NHS: variants seen among roughly 807,000 people sequenced by gnomAD.
The protein encoded by NHS is actin remodeling regulator NHS.
A neutral mutation model predicts 72.5 loss-of-function variants in NHS; 5 were observed. The ratio of observed to expected loss-of-function variants is 0.07; its 90% CI spans 0.04 to 0.14. The LOEUF is 0.14. Ranked by LOEUF, NHS falls within the 10% of genes least tolerant of loss-of-function variation. NHS has a pLI of 1.00. For synonymous variants in NHS, 464 were observed against 547.7 expected, an observed-to-expected ratio of 0.85 and a Z score of 2.13; for missense variants, 1,072 against 1,355.7, an observed-to-expected ratio of 0.79 and a Z score of 3.29.
chrX:17,446,121 A>G (rs752183464), intron 1 of NHS, among the ~76,000 whole-genome samples: 11 of 110,148 alleles, frequency 1.0e-4, no homozygotes, highest in Non-Finnish European at 1.3e-4. Flanking sequence ...ACCCCTTACC[A>G]CAAAATCTTC....
chrX:17,379,226 T>A (rs1329044869), intron 1 of NHS, among the ~76,000 whole-genome samples: 2 of 109,006 alleles, frequency 1.8e-5, no homozygotes, highest in Non-Finnish European at 3.8e-5. Flanking sequence ...GGCAACATGA[T>A]CTGATGTACA....
intron 1 of NHS, among the ~76,000 whole-genome samples, chrX:17,616,089 G>T (rs756885503): frequency 1.8e-5 from 2 of 112,382 alleles, no homozygotes; most frequent in Admixed American, 1.9e-4. Context: ...CCTGGTAAAT[G>T]AACAGAGTGA....
chrX:17,701,146 T>C lies in NHS; in HGVS notation c.852+8678T>C, dbSNP rs781498738. 1.2e-4 allele frequency among the ~76,000 whole-genome samples: 13 copies of C among 112,293 alleles called. No homozygotes were observed. In the South Asian group the frequency reaches 4.8e-3, roughly 42 times the overall value. ...GGCTCTACCATATAGCCTAGGTATG[T>C]AGTAGGCTGTACCTTCTAGGTTTGT... is the stretch of plus-strand genomic sequence containing the variant. On this transcript the variant is annotated intron_variant, in intron 3 of 8. Coordinates refer to ENST00000676302, the MANE Select transcript of NHS (RefSeq NM_001291867.2).
intron 1 of NHS, among the ~76,000 whole-genome samples, chrX:17,458,314 G>T (rs953628248): frequency 1.8e-5 from 2 of 111,561 alleles, no homozygotes; most frequent in South Asian, 3.8e-4. Context: ...TGCAGCCTCC[G>T]CCCCCTGGGG....
chrX:17,571,510 G>A (rs1464881657), intron 1 of NHS, among the ~76,000 whole-genome samples: 1 of 111,771 alleles, frequency 8.9e-6, no homozygotes, highest in Admixed American at 9.5e-5. Flanking sequence ...GGGATTGGTG[G>A]TGGTATCCCC....
intron 1 of NHS, among the ~76,000 whole-genome samples, chrX:17,517,203 A>C (rs776226184): frequency 8.9e-6 from 1 of 112,464 alleles, no homozygotes; most frequent in South Asian, 3.7e-4. Context: ...GAAAGGTTTT[A>C]GTCTTGACTT....
chrX:17,615,689 T>TCTC (rs1249347495), intron 1 of NHS, among the ~76,000 whole-genome samples: 1 of 110,706 alleles, frequency 9.0e-6, no homozygotes, highest in African/African-American at 3.3e-5. Context: ...TGTCAGGACC[T>TCTC]CTCTCCCTTT....
chrX:17,426,915 T>C (rs1288479059), intron 1 of NHS, among the ~76,000 whole-genome samples: 1 of 111,708 alleles, frequency 9.0e-6, no homozygotes, highest in Non-Finnish European at 1.9e-5. Flanking sequence ...CATATCACAG[T>C]GGTGGACCAA....
At chrX:17,645,827 A>G (rs2065903569) in intron 1 of NHS, among the ~76,000 whole-genome samples, 1 of 112,475 alleles carries the variant, frequency 8.9e-6, no homozygotes. Context: ...TATTTATGAG[A>G]GAAGGAGCTC....
At chrX:17,683,294 G>A (rs2066140430) in intron 1 of NHS, among the ~76,000 whole-genome samples, 1 of 112,134 alleles carries the variant, frequency 8.9e-6, no homozygotes, top group African/African-American at 3.2e-5. Flanking sequence ...CTCAGTTCTT[G>A]GTTATACCTG....
intron 1 of NHS, among the ~76,000 whole-genome samples, chrX:17,450,488 T>G (rs1412513761): frequency 1.8e-5 from 2 of 111,644 alleles, no homozygotes; most frequent in Non-Finnish European, 3.8e-5. Context: ...ATGAAGTCAG[T>G]GGTCCAAGAT....
intron 1 of NHS, among the ~76,000 whole-genome samples, chrX:17,660,915 A>G (rs2147092705): frequency 8.9e-6 from 1 of 112,689 alleles, no homozygotes; most frequent in African/African-American, 3.2e-5. Flanking sequence ...ATTCCCAAAG[A>G]TCTCAGGAGG....
In NHS at chrX:17,615,073, C is replaced by CAT. The variant is rs750531611; in HGVS notation, c.566-72656_566-72655dup. Among the ~76,000 whole-genome samples the CAT allele has an allele frequency of 2.7e-3, 256 of 94,054 alleles. 1 individual carries two copies. Among genetic ancestry groups the CAT allele is most frequent in the Non-Finnish European group, 3.9e-3 (189 of 48,065 alleles). 81.7% of individuals were successfully genotyped at this position (94,054 alleles called of 115,157 possible). ...CCAGGGCAGGCTCTTGTCATTCATA[C>CAT]ATATATATATATATGTGTGTATATA... On this transcript the variant is annotated intron_variant, in intron 1 of 8. Coordinates refer to ENST00000676302, the MANE Select transcript of NHS (RefSeq NM_001291867.2).
intron 1 of NHS, among the ~76,000 whole-genome samples, chrX:17,637,262 G>A (rs1005799622): frequency 4.5e-5 from 5 of 111,771 alleles, no homozygotes; most frequent in South Asian, 3.7e-4. Context: ...AAGAAATAAG[G>A]CCCTGCCAGA....
At chrX:17,383,156 T>C (rs2064386911) in intron 1 of NHS, among the ~76,000 whole-genome samples, 1 of 112,149 alleles carries the variant, frequency 8.9e-6, no homozygotes, top group Admixed American at 9.4e-5. Flanking sequence ...TATGGGTGTT[T>C]CTGGAGTCAC....
At chrX:17,522,599 T>C (rs1302434287) in intron 1 of NHS, among the ~76,000 whole-genome samples, 1 of 103,106 alleles carries the variant, frequency 9.7e-6, no homozygotes, top group African/African-American at 3.6e-5. Flanking sequence ...TCTTCCGAAG[T>C]TCCCGGTGCT....
chrX:17,532,154 A>G lies in NHS; in HGVS notation c.566-155588A>G, dbSNP rs114063678. The stretch of plus-strand genomic sequence containing the variant: ...TCCTAAAATATGACACTGGAAAATG[A>G]AAACTTTTTAAAATTGTTTTAAATA... On this transcript the variant is annotated intron_variant, in intron 1 of 8. Transcript: ENST00000676302. 7.7e-3 allele frequency among the ~76,000 whole-genome samples: 857 copies of G among 111,766 alleles called. 5 individuals are homozygous for G. The highest frequency in any genetic ancestry group is 0.027 in the African/African-American group (822 of 30,730).
chrX:17,536,414 T>G (rs1435703535), intron 1 of NHS, among the ~76,000 whole-genome samples: 1 of 112,549 alleles, frequency 8.9e-6, no homozygotes, highest in Admixed American at 9.3e-5. Flanking sequence ...CGGACCTATG[T>G]GTGTTCCAAA....
At chrX:17,661,036 C>A (rs937111612) in intron 1 of NHS, among the ~76,000 whole-genome samples, 1 of 111,642 alleles carries the variant, frequency 9.0e-6, no homozygotes, top group Admixed American at 9.4e-5. Flanking sequence ...CTGAAACTAA[C>A]GAATCATTTA....
Sources: gnomAD v4.1 joint callset for allele counts (sites outside exome capture counted in the v4.1 genomes callset) on GRCh38, gnomAD v4.1.1 for gene constraint, MANE v1.5 for transcripts, NCBI Gene and HGNC (gene_info 2026-07-23, HGNC 2026-07-21) for gene names.